Variants in EEF2KMT observed in about 807,000 individuals in gnomAD.
EEF2KMT encodes the protein eukaryotic elongation factor 2 lysine methyltransferase.
EEF2KMT carries 30 observed loss-of-function variants against 35.1 expected under a neutral mutation model. The observed-to-expected ratio is 0.85, with a 90% CI of 0.64 to 1.16. The LOEUF (loss-of-function observed/expected upper bound fraction) is 1.16, where lower values mean the gene tolerates loss of function less well. EEF2KMT is among the 50% of genes most tolerant of loss of function. The pLI is 0.00. For synonymous variants in EEF2KMT, 190 were observed against 187.7 expected (o/e 1.01, Z -0.10); for missense variants, 499 against 438.2 (o/e 1.14, Z -1.24).
chr16:5,091,978 G>A, intron 3 of EEF2KMT, 83 bp from the exon 4 acceptor site: 1 of 1,587,438 alleles, frequency 6.3e-7, no homozygotes, highest in Non-Finnish European at 8.6e-7. Flanking sequence ...AGTTTGGAGG[G>A]GAGATTTGCG....
chr16:5,088,701 C>T (rs1285789278), intron 7 of EEF2KMT, among the ~76,000 whole-genome samples: 2 of 152,172 alleles, frequency 1.3e-5, no homozygotes, highest in African/African-American at 4.8e-5. Flanking sequence ...CTTCCACCGA[C>T]TGGGTGCTCA....
rs749079748 is a variant in EEF2KMT, at chr16:5,089,123, C to T, written c.876G>A (p.Leu292=). ...GAGGCTCACCTAGCTCGGTGGTGAA[C>T]AGCTGGCACGTCTCTGGGTTGCGGA... ...FTVRNPETCQ[L]FTTELGRAGI... is the part of the protein sequence containing the mutation. The change falls in exon 7 of 8, where the codon CTG becomes CTA. Residue 292 remains leucine (L), a synonymous_variant. Coordinates refer to ENST00000427587, the MANE Select transcript of EEF2KMT (RefSeq NM_201400.4). The T allele has an allele frequency of 1.9e-6, 3 of 1,612,726 alleles. No homozygotes were observed. The African/African-American group carries it at 4.0e-5, about 22-fold the overall frequency.
intron 1 of EEF2KMT, among the ~76,000 whole-genome samples, 183 bp from the exon 2 acceptor site, chr16:5,095,697 A>G (rs1957445270): frequency 2.0e-5 from 3 of 152,110 alleles, no homozygotes; most frequent in Non-Finnish European, 2.9e-5. Flanking sequence ...TGGATGAGTC[A>G]CAGGAAGAAG....
chr16:5,085,046 G>C lies in EEF2KMT; in HGVS notation c.*586C>G, dbSNP rs910823463. On this transcript the variant is annotated 3_prime_UTR_variant, in exon 8 of 8. Coordinates refer to ENST00000427587, the MANE Select transcript of EEF2KMT (RefSeq NM_201400.4). ...AAGAATTGGTTCTGTGACCCGGGAA[G>C]CTTTGGTTGGCCTTGATTTCTTCTC... 3 of 1,310,286 alleles carry C rather than the reference G, an allele frequency of 2.3e-6. No homozygotes were observed. The African/African-American group carries it at 4.4e-5, about 19-fold the overall frequency. The allele number at this position is 1,310,286 out of a possible 1,614,324, so 81.2% of individuals were successfully genotyped here.
chr16:5,088,838 C>A (rs981776900), intron 7 of EEF2KMT, among the ~76,000 whole-genome samples: 13 of 152,108 alleles, frequency 8.5e-5, no homozygotes, highest in Non-Finnish European at 1.5e-4. Context: ...GAAACCGAGG[C>A]CCAAGGGCTT....
At chr16:5,089,009 A>C in intron 7 of EEF2KMT, 98 bp downstream of exon 7, 6 of 1,599,994 alleles carry the variant, frequency 3.8e-6, no homozygotes, top group Non-Finnish European at 5.1e-6. Context: ...GTGTGGGGCA[A>C]CCTAGCTTTT....
intron 3 of EEF2KMT, among the ~76,000 whole-genome samples, chr16:5,092,487 C>T (rs774081744): frequency 6.6e-6 from 1 of 152,146 alleles, no homozygotes; most frequent in East Asian, 1.9e-4. Context: ...ACAGGGCAGA[C>T]CTGCTGGTGA....
intron 1 of EEF2KMT, 43 bp downstream of exon 1, chr16:5,097,601 T>G (rs1957501995): frequency 6.5e-7 from 1 of 1,529,820 alleles, no homozygotes; most frequent in Non-Finnish European, 8.7e-7. Context: ...GCCCCTGGAC[T>G]CCCGCGAGCC....
rs1957326279 is a variant in EEF2KMT at position 5,090,767 on chromosome 16, C to T, written c.343-202G>A. 6.6e-6 allele frequency among the ~76,000 whole-genome samples: 1 copy of T among 152,040 alleles called. No homozygotes were observed. Among genetic ancestry groups the T allele is most frequent in the African/African-American group, 2.4e-5 (1 of 41,382 alleles). On this transcript the variant is annotated intron_variant, in intron 4 of 7. Coordinates refer to ENST00000427587, the MANE Select transcript of EEF2KMT (RefSeq NM_201400.4). The surrounding 1 kb of genome is among the most constrained non-coding windows in gnomAD (Gnocchi z 4.1). Reference sequence around the variant, plus strand: ...CGGTGTGAAAGACACTCATCTCAGGCCACACAGGATTCCATTCATCGAACC... The same window carrying T: ...CGGTGTGAAAGACACTCATCTCAGGTCACACAGGATTCCATTCATCGAACC...
rs1399267026 is a variant in EEF2KMT at position 5,085,061 on chromosome 16, G to C, written c.*571C>G. On this transcript the variant is annotated 3_prime_UTR_variant, in exon 8 of 8. Coordinates refer to ENST00000427587, the MANE Select transcript of EEF2KMT (RefSeq NM_201400.4). ...GACCCGGGAAGCTTTGGTTGGCCTT[G>C]ATTTCTTCTCTGGAGGCTTGGAAAC... The C allele has an allele frequency of 2.6e-6, 3 of 1,164,026 alleles. No homozygotes were observed. Among genetic ancestry groups the C allele is most frequent in the African/African-American group, 3.1e-5 (2 of 65,164 alleles). The allele number at this position is 1,164,026 out of a possible 1,614,324, so 72.1% of individuals were successfully genotyped here. A position where few individuals can be genotyped will look rare whatever the true frequency, so the allele number is the denominator to read the frequency against.
chr16:5,096,639 C>T (rs4047292), intron 1 of EEF2KMT, among the ~76,000 whole-genome samples: 1 of 152,186 alleles, frequency 6.6e-6, no homozygotes, highest in East Asian at 1.9e-4. Flanking sequence ...GGGCCAGGGG[C>T]TGGGCCAGGA....
intron 1 of EEF2KMT, 75 bp from the exon 2 acceptor site, chr16:5,095,589 C>A: frequency 6.2e-7 from 1 of 1,603,098 alleles, no homozygotes; most frequent in Non-Finnish European, 8.5e-7. Context: ...AATGTGTTGG[C>A]AAAGCGCTGT....
Position 5,090,834 on chromosome 16 carries a change from T to C in EEF2KMT, c.343-269A>G, listed in dbSNP as rs1596275619. On this transcript the variant is annotated intron_variant, in intron 4 of 7. Coordinates refer to ENST00000427587, the MANE Select transcript of EEF2KMT (RefSeq NM_201400.4). This position sits in a 1 kb window ranked among gnomAD's most constrained non-coding sequence, Gnocchi z 4.1. ...ATTCTGGCGATGGAACACATGTCAGTGGTGGCCAGGGGACAGGTGTGGCTA... is the reference window on the plus strand; with the variant it reads ...ATTCTGGCGATGGAACACATGTCAGCGGTGGCCAGGGGACAGGTGTGGCTA... Among the ~76,000 whole-genome samples the C allele has an allele frequency of 6.6e-6, 1 of 151,176 alleles. No individual in the cohort carries two copies. Among genetic ancestry groups the C allele is most frequent in the East Asian group, 1.9e-4 (1 of 5,188 alleles).
intron 4 of EEF2KMT, 138 bp downstream of exon 4, chr16:5,091,656 C>G: frequency 7.0e-7 from 1 of 1,432,586 alleles, no homozygotes; most frequent in East Asian, 2.5e-5. Context: ...GAAACTGAGG[C>G]TAAAGAAGGT....
intron 3 of EEF2KMT, among the ~76,000 whole-genome samples, 169 bp downstream of exon 3, chr16:5,093,315 C>T (rs3965826): frequency 2.6e-5 from 4 of 152,216 alleles, no homozygotes; most frequent in Non-Finnish European, 2.9e-5. Flanking sequence ...CCCTTCTTCC[C>T]GCCCTGCACT....
intron 1 of EEF2KMT, 27 bp downstream of exon 1, chr16:5,097,617 G>A (rs1476009950): frequency 6.5e-7 from 1 of 1,541,404 alleles, no homozygotes; most frequent in Non-Finnish European, 8.7e-7. Flanking sequence ...GAGCCCCGCG[G>A]GCCTCTCCGC....
chr16:5,084,957 C>G lies in EEF2KMT; in HGVS notation c.*675G>C, dbSNP rs1047674. 3.0e-5 allele frequency: 48 copies of G among 1,594,742 alleles called. No homozygotes were observed. Among genetic ancestry groups the G allele is most frequent in the Non-Finnish European group, 3.9e-5 (46 of 1,178,266 alleles). On this transcript the variant is annotated 3_prime_UTR_variant, in exon 8 of 8. Transcript: ENST00000427587. ...CTTCTTCTTGGAGTCTCAGGGCAAA[C>G]CCTTTCGAGCAGCACCTCCCAGTGG...
chr16:5,093,594 C>A, intron 2 of EEF2KMT, 30 bp from the exon 3 acceptor site: 3 of 1,611,674 alleles, frequency 1.9e-6, no homozygotes, highest in Non-Finnish European at 2.5e-6. Flanking sequence ...GTTGGTTGCT[C>A]GAGAGCCCGT....
chr16:5,088,872 C>T (rs547247053), intron 7 of EEF2KMT, among the ~76,000 whole-genome samples: 1 of 152,138 alleles, frequency 6.6e-6, no homozygotes, highest in Non-Finnish European at 1.5e-5. Context: ...CTGAAGCACA[C>T]AGTAGGGCTG....
Sources: allele counts gnomAD v4.1 joint callset (sites outside exome capture counted in the v4.1 genomes callset), GRCh38; gene constraint gnomAD v4.1.1; non-coding constraint Gnocchi (gnomAD v3.1); transcripts MANE v1.5; gene names NCBI Gene and HGNC (gene_info 2026-07-23, HGNC 2026-07-21).